ICE2: variants seen among roughly 807,000 people sequenced by gnomAD.
ICE2 encodes interactor of little elongation complex ELL subunit 2.
Under a neutral mutation model 105.4 loss-of-function variants are expected in ICE2, and 87 were observed. That is an observed-to-expected ratio of 0.83 (90% CI 0.69 to 0.99). The LOEUF is 0.99. Ranked by LOEUF, ICE2 falls within the 50% of genes least tolerant of loss-of-function variation. The probability of loss-of-function intolerance (pLI) is 0.00; values close to 1 mark genes in which losing one functional copy is unlikely to be tolerated. For missense variants in ICE2, 1,323 were observed against 1,146.7 expected, an observed-to-expected ratio of 1.15 and a Z score of -2.22; for synonymous variants, 399 against 392.0, an observed-to-expected ratio of 1.02 and a Z score of -0.21.
chr15:60,426,924 T>C (rs1314468382), intron 15 of ICE2, among the ~76,000 whole-genome samples: 1 of 152,240 alleles, frequency 6.6e-6, no homozygotes, highest in Non-Finnish European at 1.5e-5. Context: ...CCTTAGGTTA[T>C]AAAAGTTACT....
intron 4 of ICE2, among the ~76,000 whole-genome samples, chr15:60,466,935 T>C: frequency 6.6e-6 from 1 of 152,210 alleles, no homozygotes; most frequent in East Asian, 1.9e-4. Flanking sequence ...ATACAATACA[T>C]GCTCAGGAAC....
rs1260796057 is a variant in ICE2, at chr15:60,422,016, G to T, written c.*1618C>A. 6.6e-6 allele frequency: 1 copy of T among 151,626 alleles called. No individual in the cohort carries two copies. Among genetic ancestry groups the T allele is most frequent in the Non-Finnish European group, 1.5e-5 (1 of 67,938 alleles). 9.4% of individuals were successfully genotyped at this position (151,626 alleles called of 1,614,324 possible). On this transcript the variant is annotated 3_prime_UTR_variant, in exon 16 of 16. Coordinates refer to ENST00000261520, the MANE Select transcript of ICE2 (RefSeq NM_024611.6). The stretch of plus-strand genomic sequence containing the variant: ...GAATAGCTATTCTTTACACAGAATA[G>T]CTAAAAAATTTCAATGTGAAGCAAT...
intron 14 of ICE2, among the ~76,000 whole-genome samples, chr15:60,431,181 T>C (rs2063451557): frequency 6.6e-6 from 1 of 151,902 alleles, no homozygotes; most frequent in Admixed American, 6.6e-5. Context: ...CTCTATGTTC[T>C]TCTTTTTTTT....
chr15:60,438,693 C>G (rs2063650771), intron 12 of ICE2: 1 of 152,136 alleles, frequency 6.6e-6, no homozygotes, highest in South Asian at 2.1e-4. Flanking sequence ...ACAGAGAATA[C>G]CATACTAAGT....
intron 15 of ICE2, among the ~76,000 whole-genome samples, chr15:60,424,287 A>G (rs2063291646): frequency 6.6e-6 from 1 of 152,116 alleles, no homozygotes; most frequent in Non-Finnish European, 1.5e-5. Context: ...GGAAGTAAAA[A>G]AAAAACAGTA....
chr15:60,453,956 T>A (rs577955725), intron 8 of ICE2, among the ~76,000 whole-genome samples, 172 bp from the exon 9 acceptor site: 3 of 152,266 alleles, frequency 2.0e-5, no homozygotes, highest in African/African-American at 7.2e-5. Context: ...CCTTTAGAAA[T>A]CTAAGGGCAA....
chr15:60,449,866 A>G, intron 9 of ICE2, 25 bp from the exon 10 acceptor site: 1 of 1,555,232 alleles, frequency 6.4e-7, no homozygotes, highest in Non-Finnish European at 8.7e-7. Flanking sequence ...TTGGTAAAGT[A>G]TTAGTAAAAA....
chr15:60,423,513 G>A lies in ICE2; in HGVS notation c.*121C>T, dbSNP rs1164010892. The stretch of plus-strand genomic sequence containing the variant: ...TCACATAGCCAACACATTTTTTCAA[G>A]GCACTCTAGCTACTACAGGAAAAAT... On this transcript the variant is annotated 3_prime_UTR_variant, in exon 16 of 16. Transcript: ENST00000261520. 1.2e-6 allele frequency: 1 copy of A among 826,690 alleles called. No homozygotes were observed. Among genetic ancestry groups the A allele is most frequent in the Non-Finnish European group, 1.8e-6 (1 of 561,816 alleles). 51.2% of individuals were successfully genotyped at this position (826,690 alleles called of 1,614,324 possible).
chr15:60,472,955 T>C (rs2064647364), intron 3 of ICE2, among the ~76,000 whole-genome samples: 1 of 151,900 alleles, frequency 6.6e-6, no homozygotes, highest in South Asian at 2.1e-4. Flanking sequence ...TGAGATAAGG[T>C]CTCAAATTTT....
In ICE2 at chr15:60,466,643, C is replaced by A; in HGVS notation, c.479G>T (p.Cys160Phe). The A allele has an allele frequency of 6.2e-7, 1 of 1,611,740 alleles. No individual in the cohort carries two copies. The highest frequency in any genetic ancestry group is 1.7e-5 in the Admixed American group (1 of 59,866). The change falls in exon 5 of 16, where the codon TGT (cysteine) becomes TTT (phenylalanine). Residue 160 changes from cysteine to phenylalanine, a missense_variant. Transcript: ENST00000261520. ...LKFLQNSAKK[C>F]AQDYNMLSDD... The stretch of plus-strand genomic sequence containing the variant: ...AGAAAGCATATTATAATCCTGCGCA[C>A]ATTTCTTTGCAGAATTCTGCAAAAA...
intron 15 of ICE2, among the ~76,000 whole-genome samples, chr15:60,425,561 A>G (rs547631754): frequency 1.3e-5 from 2 of 152,318 alleles, no homozygotes; most frequent in African/African-American, 4.8e-5. Context: ...TACAATCTCT[A>G]CTTGATGCAG....
chr15:60,420,102 G>C lies in ICE2; in HGVS notation c.*3532C>G, dbSNP rs1240245051. The C allele has an allele frequency of 4.0e-5, 6 of 151,688 alleles. No individual in the cohort carries two copies. The highest frequency in any genetic ancestry group is 8.8e-5 in the Non-Finnish European group (6 of 67,984). 9.4% of individuals were successfully genotyped at this position (151,688 alleles called of 1,614,324 possible). The stretch of plus-strand genomic sequence containing the variant: ...GGATAATTTATTATTCAGCAAATTG[G>C]TTATAACCAATATAGCACACAAACC... On this transcript the variant is annotated 3_prime_UTR_variant, in exon 16 of 16. Coordinates refer to ENST00000261520, the MANE Select transcript of ICE2 (RefSeq NM_024611.6).
Position 60,431,993 on chromosome 15 carries a change from CA to C in ICE2, c.2511-10del. 1.5e-6 allele frequency: 2 copies of C among 1,379,066 alleles called. No individual in the cohort carries two copies. Among genetic ancestry groups the C allele is most frequent in the Non-Finnish European group, 2.0e-6 (2 of 985,112 alleles). 85.4% of individuals were successfully genotyped at this position (1,379,066 alleles called of 1,614,324 possible). Reference sequence around the variant, plus strand: ...TAAATAAATTGGAAATCCTGATAAACAAAAGAAATTCATGTAAAATTAAACT... The same window carrying C: ...TAAATAAATTGGAAATCCTGATAAACAAAGAAATTCATGTAAAATTAAACT... On this transcript the variant is annotated splice_polypyrimidine_tract_variant and intron_variant, in intron 13 of 15. Coordinates refer to ENST00000261520, the MANE Select transcript of ICE2 (RefSeq NM_024611.6).
In ICE2 at chr15:60,422,680, C is replaced by CA. The variant is rs113438100; in HGVS notation, c.*953dup. ...TAACACCCTGTCTCTACTAAAAATACAAAAAAAAATTAGCCAAGCCTGGTG... is the reference window on the plus strand; with the variant it reads ...TAACACCCTGTCTCTACTAAAAATACAAAAAAAAAATTAGCCAAGCCTGGTG... On this transcript the variant is annotated 3_prime_UTR_variant, in exon 16 of 16. Transcript: ENST00000261520. 94,739 of 150,452 alleles carry CA rather than the reference C, an allele frequency of 0.63. 32,061 individuals are homozygous for CA. The highest frequency in any genetic ancestry group is 0.93 in the East Asian group (4,718 of 5,062). The allele number at this position is 150,452 out of a possible 1,614,324, so 9.3% of individuals were successfully genotyped here. A position where few individuals can be genotyped will look rare whatever the true frequency, so the allele number is the denominator to read the frequency against.
chr15:60,468,473 T>A (rs1439295419), intron 3 of ICE2, 151 bp from the exon 4 acceptor site: 1 of 624,814 alleles, frequency 1.6e-6, no homozygotes, highest in African/African-American at 1.8e-5. Context: ...TGCATTTTGA[T>A]GTTTAGCCAT....
intron 15 of ICE2, among the ~76,000 whole-genome samples, chr15:60,427,690 T>A (rs555619950): frequency 4.9e-4 from 74 of 152,316 alleles, no homozygotes; most frequent in African/African-American, 1.7e-3. Context: ...GTCCTGGGAT[T>A]ATAGGTGTGA....
At chr15:60,454,936 A>G in intron 8 of ICE2, 67 bp downstream of exon 8, 2 of 1,361,328 alleles carry the variant, frequency 1.5e-6, no homozygotes, top group Non-Finnish European at 2.0e-6. Context: ...ACTCCTATTT[A>G]TGAGTGAGAA....
intron 13 of ICE2, among the ~76,000 whole-genome samples, chr15:60,432,900 A>C (rs2063494133): frequency 6.6e-6 from 1 of 152,054 alleles, no homozygotes; most frequent in South Asian, 2.1e-4. Context: ...TCAAAAAACC[A>C]AAACCAAAAC....
Position 60,456,685 on chromosome 15 carries a change from A to T in ICE2, c.638T>A (p.Leu213Ter). 6.3e-7 allele frequency: 1 copy of T among 1,594,264 alleles called. No individual in the cohort carries two copies. Among genetic ancestry groups the T allele is most frequent in the Non-Finnish European group, 8.5e-7 (1 of 1,171,952 alleles). ...TGCGAGAAGAGTTTTTTCTAACTTT[A>T]ATCCCATCTCTACTCTGAATGGGAA... Reference protein sequence around the residue: ...GFFPFRVEMGLKLEKTLLALG... With the variant: ...GFFPFRVEMG Residue 213 changes from leucine (L) to a stop codon, truncating the protein, a stop_gained, in exon 6 of 16, where the codon TTA becomes TAA. Transcript: ENST00000261520. LOFTEE classifies it high-confidence loss of function.
Sources: allele counts gnomAD v4.1 joint callset (sites outside exome capture counted in the v4.1 genomes callset), GRCh38; gene constraint gnomAD v4.1.1; transcripts MANE v1.5; gene names NCBI Gene and HGNC (gene_info 2026-07-23, HGNC 2026-07-21).